Variants in TMEM132D observed in about 807,000 individuals in gnomAD.
TMEM132D encodes mature OL transmembrane protein.
Under a neutral mutation model 62.3 loss-of-function variants are expected in TMEM132D, and 21 were observed. The observed-to-expected ratio is 0.34, with a 90% CI of 0.24 to 0.49. The LOEUF is 0.49. Among genes scored for constraint, TMEM132D ranks in the 20% least tolerant of loss-of-function variants. TMEM132D has a pLI of 0.99. For missense variants in TMEM132D, 1,346 were observed against 1,402.8 expected, an observed-to-expected ratio of 0.96 and a Z score of 0.65; for synonymous variants, 621 against 575.6, an observed-to-expected ratio of 1.08 and a Z score of -1.13.
At chr12:129,404,487 A>C (rs561515727) in intron 3 of TMEM132D, among the ~76,000 whole-genome samples, 6 of 152,346 alleles carry the variant, frequency 3.9e-5, no homozygotes, top group African/African-American at 1.4e-4. Flanking sequence ...GTGAGCCACC[A>C]TGCCCGGCCA....
chr12:129,643,901 G>A (rs1343221961), intron 2 of TMEM132D, among the ~76,000 whole-genome samples: 2 of 150,316 alleles, frequency 1.3e-5, no homozygotes, highest in Non-Finnish European at 2.9e-5. Flanking sequence ...CTGGAATGCA[G>A]TGGTTCAATC....
At chr12:129,716,458 C>T (rs372527569) in intron 1 of TMEM132D, among the ~76,000 whole-genome samples, 42 of 152,312 alleles carry the variant, frequency 2.8e-4, no homozygotes, top group African/African-American at 8.2e-4. Flanking sequence ...TTAGAACATG[C>T]GTCTCTTTGG....
chr12:129,799,854 T>TA (rs1302556094), intron 1 of TMEM132D, among the ~76,000 whole-genome samples: 1 of 152,086 alleles, frequency 6.6e-6, no homozygotes. Context: ...TCTCGCGTGT[T>TA]AGACAGCTCT....
intron 2 of TMEM132D, among the ~76,000 whole-genome samples, chr12:129,662,483 C>T (rs1880261170): frequency 6.6e-6 from 1 of 152,108 alleles, no homozygotes; most frequent in African/African-American, 2.4e-5. Flanking sequence ...ATCATCTGTC[C>T]TAATAATGCA....
chr12:129,320,848 A>C (rs1246346588), intron 4 of TMEM132D, among the ~76,000 whole-genome samples: 1 of 152,190 alleles, frequency 6.6e-6, no homozygotes, highest in Non-Finnish European at 1.5e-5. Flanking sequence ...TTCAGGTAAA[A>C]TCAACAGGAC....
In TMEM132D at chr12:129,676,995, G is replaced by A. The variant is rs373765717; in HGVS notation, c.968+22815C>T. 3.3e-5 allele frequency among the ~76,000 whole-genome samples: 5 copies of A among 152,220 alleles called. 1 individual carries two copies. The highest frequency in any genetic ancestry group is 9.6e-5 in the African/African-American group (4 of 41,502). ...TTTAGAAAATTTACATATCAGAATAGCTATATAGTATTCTGTGAATAGTAT... is the reference window on the plus strand; with the variant it reads ...TTTAGAAAATTTACATATCAGAATAACTATATAGTATTCTGTGAATAGTAT... On this transcript the variant is annotated intron_variant, in intron 2 of 8. Coordinates refer to ENST00000422113, the MANE Select transcript of TMEM132D (RefSeq NM_133448.3).
chr12:129,617,083 G>C (rs1212888484), intron 2 of TMEM132D, among the ~76,000 whole-genome samples: 2 of 152,170 alleles, frequency 1.3e-5, no homozygotes, highest in African/African-American at 4.8e-5. Context: ...TGTACTGCCA[G>C]AGTTCTGAAA....
intron 1 of TMEM132D, among the ~76,000 whole-genome samples, chr12:129,730,379 C>G (rs2895130): frequency 0.14 from 22,009 of 152,108 alleles, 1,733 homozygotes; most frequent in South Asian, 0.25. Flanking sequence ...CAAATCCCCA[C>G]TCCAGGGGTA....
intron 4 of TMEM132D, among the ~76,000 whole-genome samples, chr12:129,247,552 C>A (rs547608495): frequency 6.6e-6 from 1 of 152,208 alleles, no homozygotes; most frequent in Non-Finnish European, 1.5e-5. Context: ...TCTGTGGCTT[C>A]TCATTCTGTC....
chr12:129,903,494 C>G lies in TMEM132D; in HGVS notation c.-155G>C, dbSNP rs1875441453. 2.8e-6 allele frequency: 2 copies of G among 714,624 alleles called. No homozygotes were observed. The highest frequency in any genetic ancestry group is 5.6e-5 in the Admixed American group (2 of 35,834). 44.3% of individuals were successfully genotyped at this position (714,624 alleles called of 1,614,324 possible). A position where few individuals can be genotyped will look rare whatever the true frequency, so the allele number is the denominator to read the frequency against. ...CCGGGCGCCCTGCTCCCTCTTCCCG[C>G]CAGTCCATGGCCAGGCCGGGAGGCG... On this transcript the variant is annotated 5_prime_UTR_variant, in exon 1 of 9. Transcript: ENST00000422113. The surrounding 1 kb of genome is among the most constrained non-coding windows in gnomAD (Gnocchi z 6.2).
At chr12:129,598,536 T>C (rs190105605) in intron 2 of TMEM132D, among the ~76,000 whole-genome samples, 3 of 152,254 alleles carry the variant, frequency 2.0e-5, no homozygotes, top group East Asian at 1.9e-4. Flanking sequence ...TTACCGGCAA[T>C]AGTGGCAGAA....
At chr12:129,666,281 G>A (rs1880378885) in intron 2 of TMEM132D, among the ~76,000 whole-genome samples, 1 of 152,118 alleles carries the variant, frequency 6.6e-6, no homozygotes, top group Non-Finnish European at 1.5e-5. Context: ...TACAATTGCT[G>A]AATCTTCCGT....
intron 3 of TMEM132D, among the ~76,000 whole-genome samples, chr12:129,490,979 A>T: frequency 6.6e-6 from 1 of 151,786 alleles, no homozygotes; most frequent in Admixed American, 6.6e-5. Context: ...GTTCCCACGG[A>T]TTTCTTAGTC....
intron 1 of TMEM132D, among the ~76,000 whole-genome samples, chr12:129,860,388 A>C (rs1873855254): frequency 6.6e-6 from 1 of 152,210 alleles, no homozygotes; most frequent in Non-Finnish European, 1.5e-5. Context: ...CTTGGAGTAG[A>C]TTGATACATT....
Position 129,710,086 on chromosome 12 carries a change from A to G in TMEM132D, c.80-9388T>C, listed in dbSNP as rs568362989. Among the ~76,000 whole-genome samples, 16 of 152,348 alleles carry G rather than the reference A, an allele frequency of 1.1e-4. No individual in the cohort carries two copies. The South Asian group carries it at 3.1e-3, about 30-fold the overall frequency. On this transcript the variant is annotated intron_variant, in intron 1 of 8. Transcript: ENST00000422113. ...ATTTTAAGACATATTCTCATTTCAG[A>G]GATAGCACGTATGAAAAGAAAGTCT...
intron 3 of TMEM132D, among the ~76,000 whole-genome samples, chr12:129,441,743 C>G (rs1189615466): frequency 1.3e-5 from 2 of 152,102 alleles, no homozygotes; most frequent in Non-Finnish European, 2.9e-5. Flanking sequence ...CCCAGGTACC[C>G]AGCAACAGTG....
At chr12:129,695,128 A>G (rs1881172544) in intron 2 of TMEM132D, among the ~76,000 whole-genome samples, 1 of 152,164 alleles carries the variant, frequency 6.6e-6, no homozygotes, top group Admixed American at 6.5e-5. Flanking sequence ...GCTCAATTAA[A>G]CTCCATTGAA....
Position 129,779,810 on chromosome 12 carries a change from A to G in TMEM132D, c.80-79112T>C, listed in dbSNP as rs776586500. On this transcript the variant is annotated intron_variant, in intron 1 of 8. Coordinates refer to ENST00000422113, the MANE Select transcript of TMEM132D (RefSeq NM_133448.3). This position sits in a 1 kb window ranked among gnomAD's most constrained non-coding sequence, Gnocchi z 4.1. ...AACTCATGACGGCCTTAAGGTCTCTATGCCACTTGGGGAAGACAGAGAGAA... is the reference window on the plus strand; with the variant it reads ...AACTCATGACGGCCTTAAGGTCTCTGTGCCACTTGGGGAAGACAGAGAGAA... Among the ~76,000 whole-genome samples the G allele has an allele frequency of 6.6e-6, 1 of 152,132 alleles. No individual in the cohort carries two copies. Among genetic ancestry groups the G allele is most frequent in the Non-Finnish European group, 1.5e-5 (1 of 68,022 alleles).
intron 5 of TMEM132D, among the ~76,000 whole-genome samples, chr12:129,147,367 A>G (rs1346063984): frequency 6.7e-6 from 1 of 150,050 alleles, no homozygotes; most frequent in Non-Finnish European, 1.5e-5. Flanking sequence ...AGTAAATTAC[A>G]TATATCATGG....
Sources: gnomAD v4.1 joint callset for allele counts (sites outside exome capture counted in the v4.1 genomes callset) on GRCh38, gnomAD v4.1.1 for gene constraint, Gnocchi (gnomAD v3.1) non-coding constraint, MANE v1.5 for transcripts, NCBI Gene and HGNC (gene_info 2026-07-23, HGNC 2026-07-21) for gene names.